The following PCED1B variants were observed in gnomAD, a reference collection of about 807,000 sequenced individuals.
The protein encoded by PCED1B is PC-esterase domain containing 1B.
For missense variants in PCED1B, 573 were observed against 573.9 expected (o/e 1.00, Z 0.02); for synonymous variants, 251 against 246.1 (o/e 1.02, Z -0.19).
chr12:47,214,856 C>T (rs1943200925), intron 2 of PCED1B, among the ~76,000 whole-genome samples: 1 of 152,100 alleles, frequency 6.6e-6, no homozygotes, highest in Non-Finnish European at 1.5e-5. Context: ...GAATAATCAG[C>T]TCGAAATATG....
In PCED1B at chr12:47,199,301, A is replaced by G. The variant is rs979544363; in HGVS notation, c.-525-16921A>G. Among the ~76,000 whole-genome samples the G allele has an allele frequency of 4.6e-5, 7 of 152,338 alleles. 1 individual carries two copies. The highest frequency in any genetic ancestry group is 1.4e-4 in the African/African-American group (6 of 41,582). On this transcript the variant is annotated intron_variant, in intron 2 of 3. Transcript: ENST00000546455. ...ATGGATAGGAAGACTCAAATTCCTCATGCTACCAGTTATTCCTGATAACTT... is the reference window on the plus strand; with the variant it reads ...ATGGATAGGAAGACTCAAATTCCTCGTGCTACCAGTTATTCCTGATAACTT...
At chr12:47,099,030 C>T (rs1252623296) in intron 1 of PCED1B, among the ~76,000 whole-genome samples, 1 of 152,178 alleles carries the variant, frequency 6.6e-6, no homozygotes, top group Non-Finnish European at 1.5e-5. Context: ...GATTCCCAGC[C>T]ACCACTCATC....
At chr12:47,217,488 G>GAA (rs1374235797) in intron 3 of PCED1B, among the ~76,000 whole-genome samples, 10 of 97,746 alleles carry the variant, frequency 1.0e-4, no homozygotes, top group African/African-American at 5.3e-4. Flanking sequence ...AAGAAAGAAA[G>GAA]AAAGAAAGAA....
intron 3 of PCED1B, among the ~76,000 whole-genome samples, chr12:47,233,223 C>T (rs959557503): frequency 6.6e-5 from 10 of 152,114 alleles, no homozygotes. Context: ...TTGGCACGAT[C>T]TTGGCTCACT....
chr12:47,147,698 C>T (rs1940844191), intron 2 of PCED1B, among the ~76,000 whole-genome samples: 1 of 152,010 alleles, frequency 6.6e-6, no homozygotes, highest in African/African-American at 2.4e-5. Context: ...ATTTATTTAC[C>T]CATCCATATT....
At chr12:47,142,202 T>C (rs959106916) in intron 2 of PCED1B, among the ~76,000 whole-genome samples, 1 of 152,158 alleles carries the variant, frequency 6.6e-6, no homozygotes, top group African/African-American at 2.4e-5. Context: ...CTTGAGCCTC[T>C]GGTAACAGGC....
At chr12:47,087,649 A>G (rs1459747277) in intron 1 of PCED1B, among the ~76,000 whole-genome samples, 2 of 152,234 alleles carry the variant, frequency 1.3e-5, no homozygotes, top group Non-Finnish European at 2.9e-5. Context: ...AACAGAAAAT[A>G]TATACTTGGG....
intron 2 of PCED1B, among the ~76,000 whole-genome samples, chr12:47,163,497 G>A (rs552553866): frequency 6.6e-6 from 1 of 152,178 alleles, no homozygotes; most frequent in Non-Finnish European, 1.5e-5. Flanking sequence ...CCTGATTTTA[G>A]AGAAAAAGCT....
At position 47,181,779 on chromosome 12, in the gene PCED1B, AG is replaced by A. The variant is rs149523186; in HGVS notation, c.-525-34442del. ...TTATCTCCTCTACTGAAAAAAAAAA[AG>A]TAAAACAATTCAACTTTTTGTCAGT... On this transcript the variant is annotated intron_variant, in intron 2 of 3. Coordinates refer to ENST00000546455, the MANE Select transcript of PCED1B (RefSeq NM_138371.3). Among the ~76,000 whole-genome samples, 722 of 152,232 alleles carry A rather than the reference AG, an allele frequency of 4.7e-3. 5 individuals carry two copies. The highest frequency in any genetic ancestry group is 0.017 in the African/African-American group (692 of 41,538).
chr12:47,113,879 G>A (rs1003622003), intron 2 of PCED1B, among the ~76,000 whole-genome samples: 1 of 151,678 alleles, frequency 6.6e-6, no homozygotes, highest in Admixed American at 6.6e-5. Flanking sequence ...GTGTGGTGGC[G>A]GGCAGAGTTT....
chr12:47,161,889 G>GT (rs1248405943), intron 2 of PCED1B, among the ~76,000 whole-genome samples: 5 of 152,136 alleles, frequency 3.3e-5, no homozygotes, highest in Non-Finnish European at 7.3e-5. Context: ...ATAGACTGGA[G>GT]TAAGAAAATG....
intron 2 of PCED1B, among the ~76,000 whole-genome samples, chr12:47,106,750 T>C (rs897017026): frequency 4.6e-5 from 7 of 152,198 alleles, no homozygotes; most frequent in Non-Finnish European, 1.0e-4. Context: ...AAAATAAATC[T>C]CTCCTGTTAG....
At chr12:47,198,316 G>T (rs755967913) in intron 2 of PCED1B, among the ~76,000 whole-genome samples, 13 of 152,084 alleles carry the variant, frequency 8.5e-5, no homozygotes, top group Non-Finnish European at 1.8e-4. Context: ...ATTAACAGGC[G>T]CAGAAAAGCA....
At chr12:47,114,692 A>C (rs1489901936) in intron 2 of PCED1B, among the ~76,000 whole-genome samples, 4 of 152,206 alleles carry the variant, frequency 2.6e-5, no homozygotes, top group Non-Finnish European at 5.9e-5. Context: ...TGCTGCACCA[A>C]GCCCTCCAGC....
In PCED1B at chr12:47,195,997, A is replaced by G. The variant is rs148442184; in HGVS notation, c.-525-20225A>G. 2.6e-5 allele frequency among the ~76,000 whole-genome samples: 4 copies of G among 152,288 alleles called. No homozygotes were observed. In the East Asian group the frequency reaches 5.8e-4, roughly 22 times the overall value. On this transcript the variant is annotated intron_variant, in intron 2 of 3. Transcript: ENST00000546455. Reference sequence around the variant, plus strand: ...TTCTTCCCACACCTTCCAATATTCTATTAGCCCAATTTTCCAAAGATTAGT... The same window carrying G: ...TTCTTCCCACACCTTCCAATATTCTGTTAGCCCAATTTTCCAAAGATTAGT...
chr12:47,163,554 C>A (rs761129893), intron 2 of PCED1B, among the ~76,000 whole-genome samples: 1 of 152,192 alleles, frequency 6.6e-6, no homozygotes, highest in Non-Finnish European at 1.5e-5. Context: ...AGTTTTTTCA[C>A]ATATGGCTTT....
intron 2 of PCED1B, among the ~76,000 whole-genome samples, chr12:47,193,310 T>C (rs750036780): frequency 5.3e-5 from 8 of 152,168 alleles, no homozygotes; most frequent in African/African-American, 1.9e-4. Flanking sequence ...CCCCACTTCC[T>C]ATGAGCATCA....
chr12:47,186,148 G>A (rs368208305), intron 2 of PCED1B, among the ~76,000 whole-genome samples: 11 of 151,984 alleles, frequency 7.2e-5, no homozygotes, highest in East Asian at 5.8e-4. Context: ...AACCCAGGGG[G>A]CAGGGGTTGC....
intron 2 of PCED1B, among the ~76,000 whole-genome samples, chr12:47,188,138 T>G (rs1177358336): frequency 6.6e-6 from 1 of 152,202 alleles, no homozygotes; most frequent in Non-Finnish European, 1.5e-5. Flanking sequence ...AAAAATTACA[T>G]GTCTTATCTC....
Sources: gnomAD v4.1 joint callset for allele counts (sites outside exome capture counted in the v4.1 genomes callset) on GRCh38, gnomAD v4.1.1 for gene constraint, MANE v1.5 for transcripts, NCBI Gene and HGNC (gene_info 2026-07-23, HGNC 2026-07-21) for gene names.